ANXA4: variants seen among roughly 807,000 people sequenced by gnomAD.
ANXA4 encodes annexin A4.
In ANXA4, 39 loss-of-function variants were observed where a neutral mutation model predicts 49.8. That is an observed-to-expected ratio of 0.78 (90% CI 0.61 to 1.02). The LOEUF (loss-of-function observed/expected upper bound fraction) is 1.02, where lower values mean the gene tolerates loss of function less well. Among genes scored for constraint, ANXA4 ranks in the 50% least tolerant of loss-of-function variants. ANXA4 has a pLI of 0.00. For missense variants in ANXA4, 360 were observed against 410.1 expected (o/e 0.88, Z 1.05); for synonymous variants, 134 against 152.5 (o/e 0.88, Z 0.89).
intron 2 of ANXA4, among the ~76,000 whole-genome samples, chr2:69,670,438 CAAA>C (rs748196181): frequency 2.2e-5 from 1 of 44,776 alleles, no homozygotes; most frequent in African/African-American, 8.1e-5. Flanking sequence ...GACTCAATCT[CAAA>C]AAAAAAAAAA....
At chr2:69,718,797 G>A (rs1024627283) in intron 2 of ANXA4, among the ~76,000 whole-genome samples, 5 of 146,182 alleles carry the variant, frequency 3.4e-5, no homozygotes, top group Admixed American at 1.3e-4. Flanking sequence ...ATACACATAC[G>A]TGCATACACA....
At chr2:69,768,312 T>C (rs1220005893) in intron 1 of ANXA4, among the ~76,000 whole-genome samples, 2 of 152,198 alleles carry the variant, frequency 1.3e-5, no homozygotes, top group African/African-American at 2.4e-5. Flanking sequence ...GAATAAGGAA[T>C]ACAAGGCCAG....
intron 3 of ANXA4, among the ~76,000 whole-genome samples, chr2:69,788,837 CAAAA>C (rs34455712): frequency 1.2e-5 from 1 of 82,022 alleles, no homozygotes; most frequent in Non-Finnish European, 2.5e-5. Flanking sequence ...GACTCCATCT[CAAAA>C]AAAAAAAAAA....
At chr2:69,825,337 A>G in intron 12 of ANXA4, 119 bp from the exon 13 acceptor site, 1 of 759,410 alleles carries the variant, frequency 1.3e-6, no homozygotes, top group Non-Finnish European at 2.2e-6. Context: ...AAAAAATAAC[A>G]AAAAAAATTT....
intron 11 of ANXA4, among the ~76,000 whole-genome samples, chr2:69,819,699 G>A (rs915756229): frequency 1.4e-4 from 21 of 152,110 alleles, no homozygotes; most frequent in African/African-American, 5.1e-4. Context: ...TGGCATTCTA[G>A]CTCCAGAGCC....
chr2:69,750,621 C>T (rs1441827153), intron 1 of ANXA4, among the ~76,000 whole-genome samples: 2 of 152,146 alleles, frequency 1.3e-5, no homozygotes, highest in African/African-American at 4.8e-5. Flanking sequence ...ACCACGTTTC[C>T]CAGGCTGGTT....
At chr2:69,698,442 A>G (rs186472544) in intron 2 of ANXA4, among the ~76,000 whole-genome samples, 456 of 152,208 alleles carry the variant, frequency 3.0e-3, no homozygotes, top group Admixed American at 5.6e-3. Context: ...TTCCCCCGAC[A>G]TCTCCCTGTT....
chr2:69,710,537 T>G (rs536962376), intron 2 of ANXA4, among the ~76,000 whole-genome samples: 1 of 152,318 alleles, frequency 6.6e-6, no homozygotes, highest in Admixed American at 6.5e-5. Flanking sequence ...TTCAGATTAT[T>G]TCCATAGGCA....
chr2:69,768,966 C>T (rs1212306732), intron 1 of ANXA4, among the ~76,000 whole-genome samples: 3 of 152,032 alleles, frequency 2.0e-5, no homozygotes, highest in Non-Finnish European at 4.4e-5. Context: ...AAAAAACCAG[C>T]CAACTGAAAT....
At chr2:69,670,850 C>A (rs1395136344) in intron 2 of ANXA4, among the ~76,000 whole-genome samples, 3 of 151,710 alleles carry the variant, frequency 2.0e-5, no homozygotes, top group Non-Finnish European at 4.4e-5. Flanking sequence ...CATAGTGAGA[C>A]CCCTGTCTCT....
At chr2:69,762,284 G>A (rs1671323099) in intron 1 of ANXA4, among the ~76,000 whole-genome samples, 2 of 152,124 alleles carry the variant, frequency 1.3e-5, no homozygotes, top group Non-Finnish European at 1.5e-5. Flanking sequence ...CTACTTGGGA[G>A]GCTGAGGTGG....
intron 1 of ANXA4, among the ~76,000 whole-genome samples, chr2:69,756,207 C>T (rs573700890): frequency 6.6e-6 from 1 of 152,314 alleles, no homozygotes; most frequent in South Asian, 2.1e-4. Context: ...AAACACCAGT[C>T]ACTTGGAAGC....
In ANXA4 at chr2:69,788,810, G is replaced by C. The variant is rs564040753; in HGVS notation, c.97+669G>C. ...CTGAGATTGCACCACTGCACTCCAGGCTGGGCGACAGAGCGAGACTCCATC... is the reference window on the plus strand; with the variant it reads ...CTGAGATTGCACCACTGCACTCCAGCCTGGGCGACAGAGCGAGACTCCATC... On this transcript the variant is annotated intron_variant, in intron 3 of 12. Transcript: ENST00000394295. 9.5e-4 allele frequency among the ~76,000 whole-genome samples: 141 copies of C among 148,638 alleles called. 5 individuals are homozygous for C. In the South Asian group the frequency reaches 0.028, roughly 29 times the overall value.
rs554071050 is a variant in ANXA4 at position 69,672,232 on chromosome 2, T to TTTAG, written n.766+18953_766+18954insGTTA. Among the ~76,000 whole-genome samples, 9 of 152,178 alleles carry TTTAG rather than the reference T, an allele frequency of 5.9e-5. No individual in the cohort carries two copies. In the South Asian group the frequency reaches 1.7e-3, roughly 28 times the overall value. ...TGTACTTTATTATGTATTTTATTTATTTATTTATTTATTTATTGAGACAGA... is the reference window on the plus strand; with the variant it reads ...TGTACTTTATTATGTATTTTATTTATTTAGTTATTTATTTATTTATTGAGACAGA... On this transcript the variant is annotated intron_variant and non_coding_transcript_variant, in intron 2 of 3. Coordinates refer to the ANXA4 transcript ENST00000418066.
chr2:69,800,779 A>G (rs543394077), intron 3 of ANXA4, among the ~76,000 whole-genome samples: 17 of 152,308 alleles, frequency 1.1e-4, no homozygotes, highest in African/African-American at 4.1e-4. Context: ...GCAGCAGTGA[A>G]GTGGCCTCGT....
chr2:69,775,711 G>A (rs1559176433), intron 1 of ANXA4, among the ~76,000 whole-genome samples: 1 of 152,128 alleles, frequency 6.6e-6, no homozygotes, highest in African/African-American at 2.4e-5. Context: ...TGCATCATAT[G>A]CAACATTAGT....
Position 69,699,131 on chromosome 2 carries a change from G to A in ANXA4, n.767-21643G>A, listed in dbSNP as rs780647165. On this transcript the variant is annotated intron_variant and non_coding_transcript_variant, in intron 2 of 3. Transcript: ENST00000418066. ...TGCCAAGCACCAGCACTGGCAGTGGGAGTGTGTGGGGTGGGGTCTAGCGCT... is the reference window on the plus strand; with the variant it reads ...TGCCAAGCACCAGCACTGGCAGTGGAAGTGTGTGGGGTGGGGTCTAGCGCT... 6.4e-4 allele frequency among the ~76,000 whole-genome samples: 97 copies of A among 152,172 alleles called. 1 individual carries two copies. Among genetic ancestry groups the A allele is most frequent in the Non-Finnish European group, 1.2e-3 (83 of 68,032 alleles).
chr2:69,695,709 T>A (rs1162326974), intron 2 of ANXA4, among the ~76,000 whole-genome samples: 1 of 152,126 alleles, frequency 6.6e-6, no homozygotes, highest in Non-Finnish European at 1.5e-5. Context: ...ACCTCTGAGA[T>A]ACAGGCATAC....
At chr2:69,802,773 G>A (rs1673268425) in intron 3 of ANXA4, among the ~76,000 whole-genome samples, 1 of 151,968 alleles carries the variant, frequency 6.6e-6, no homozygotes, top group African/African-American at 2.4e-5. Flanking sequence ...GGGGGGAAGA[G>A]TGATCCCTTT....
Sources: gnomAD v4.1 joint callset for allele counts (sites outside exome capture counted in the v4.1 genomes callset) on GRCh38, gnomAD v4.1.1 for gene constraint, MANE v1.5 for transcripts, NCBI Gene and HGNC (gene_info 2026-07-23, HGNC 2026-07-21) for gene names.